The following RPH3A variants were observed in gnomAD, a reference collection of about 807,000 sequenced individuals.
RPH3A encodes the protein rabphilin 3A.
RPH3A carries 48 observed loss-of-function variants against 102.2 expected under a neutral mutation model. The observed-to-expected ratio is 0.47, with a 90% CI of 0.37 to 0.60. The LOEUF is 0.60. Among genes scored for constraint, RPH3A ranks in the 20% least tolerant of loss-of-function variants. The pLI is 0.00. For synonymous variants in RPH3A, 310 were observed against 324.3 expected (o/e 0.96, Z 0.47); for missense variants, 781 against 910.1 (o/e 0.86, Z 1.83).
chr12:112,669,763 G>A (rs2040114024), intron 1 of RPH3A, among the ~76,000 whole-genome samples: 1 of 152,070 alleles, frequency 6.6e-6, no homozygotes, highest in South Asian at 2.1e-4. Context: ...AATATATCTT[G>A]TACGTTTTTC....
chr12:112,635,739 C>T (rs2039843924), intron 1 of RPH3A, among the ~76,000 whole-genome samples: 2 of 152,132 alleles, frequency 1.3e-5, no homozygotes, highest in Admixed American at 1.3e-4. Flanking sequence ...GACAGAGCTC[C>T]ATCTACTTGC....
intron 2 of RPH3A, among the ~76,000 whole-genome samples, chr12:112,819,442 G>A (rs1194233495): frequency 6.6e-6 from 1 of 152,098 alleles, no homozygotes; most frequent in Non-Finnish European, 1.5e-5. Context: ...TTTTACAGAT[G>A]CAAAACTTGC....
At chr12:112,686,329 C>T (rs2136019182) in intron 1 of RPH3A, among the ~76,000 whole-genome samples, 1 of 152,266 alleles carries the variant, frequency 6.6e-6, no homozygotes. Context: ...GATCCCCTGC[C>T]CCTGAACCCA....
intron 1 of RPH3A, among the ~76,000 whole-genome samples, chr12:112,661,585 T>C (rs1055438416): frequency 2.6e-5 from 4 of 152,162 alleles, no homozygotes; most frequent in African/African-American, 9.7e-5. Flanking sequence ...CACTATTTGG[T>C]CTATACATAT....
intron 10 of RPH3A, 101 bp downstream of exon 10, chr12:112,870,140 T>C (rs1416969545): frequency 1.7e-6 from 2 of 1,203,924 alleles, no homozygotes; most frequent in African/African-American, 3.1e-5. Flanking sequence ...GCAGCATTTA[T>C]TGAGTCCTAC....
intron 1 of RPH3A, among the ~76,000 whole-genome samples, chr12:112,725,250 GAAAAAAAAA>G (rs35952537): frequency 1.4e-4 from 9 of 63,064 alleles, no homozygotes; most frequent in South Asian, 6.2e-4. Flanking sequence ...CTTTGTCTCA[GAAAAAAAAA>G]AAAAAAAAAA....
intron 1 of RPH3A, among the ~76,000 whole-genome samples, chr12:112,613,454 T>C (rs1391671924): frequency 2.0e-5 from 3 of 152,132 alleles, no homozygotes; most frequent in African/African-American, 7.2e-5. Context: ...CCCAAAGATG[T>C]CCATGTCCTA....
chr12:112,783,433 A>G (rs1190516027), intron 1 of RPH3A, among the ~76,000 whole-genome samples: 2 of 152,072 alleles, frequency 1.3e-5, no homozygotes, highest in African/African-American at 4.8e-5. Flanking sequence ...CATCCCTTTT[A>G]TAACTCTTGC....
chr12:112,746,733 C>T (rs1357712234), intron 1 of RPH3A, among the ~76,000 whole-genome samples: 2 of 152,300 alleles, frequency 1.3e-5, no homozygotes, highest in Admixed American at 6.5e-5. Flanking sequence ...CGGCCCTGCT[C>T]TCTGTCTCTG....
At chr12:112,708,765 C>T (rs146886728) in intron 1 of RPH3A, among the ~76,000 whole-genome samples, 4 of 152,044 alleles carry the variant, frequency 2.6e-5, no homozygotes, top group Non-Finnish European at 4.4e-5. Flanking sequence ...ATCGGAGCCT[C>T]CTGCGAAAAT....
chr12:112,889,321 A>T (rs1363150315), intron 17 of RPH3A, among the ~76,000 whole-genome samples: 1 of 152,224 alleles, frequency 6.6e-6, no homozygotes, highest in Non-Finnish European at 1.5e-5. Context: ...TGCCTGTGTC[A>T]TCAGCCTTTG....
chr12:112,818,585 A>C (rs1024760908), intron 2 of RPH3A, among the ~76,000 whole-genome samples: 2 of 152,146 alleles, frequency 1.3e-5, no homozygotes, highest in Non-Finnish European at 2.9e-5. Flanking sequence ...CCAGCAAAAG[A>C]CCAACTCAGG....
chr12:112,845,509 G>T (rs981600189), intron 4 of RPH3A, among the ~76,000 whole-genome samples: 5 of 152,190 alleles, frequency 3.3e-5, no homozygotes, highest in African/African-American at 1.2e-4. Context: ...TGTGCGAACA[G>T]GGGGCCCTGA....
chr12:112,879,559 T>C (rs1358465994), intron 14 of RPH3A, among the ~76,000 whole-genome samples: 1 of 152,174 alleles, frequency 6.6e-6, no homozygotes, highest in African/African-American at 2.4e-5. Context: ...GGCCATGGAA[T>C]GGTCCCATCC....
chr12:112,583,575 C>G (rs1424415022), intron 1 of RPH3A, among the ~76,000 whole-genome samples: 1 of 152,220 alleles, frequency 6.6e-6, no homozygotes, highest in Non-Finnish European at 1.5e-5. Flanking sequence ...TGTCTAGCGG[C>G]AGCTCTGCAT....
At chr12:112,672,730 G>A (rs377248134) in intron 1 of RPH3A, among the ~76,000 whole-genome samples, 4 of 152,208 alleles carry the variant, frequency 2.6e-5, no homozygotes, top group South Asian at 2.1e-4. Context: ...GGAAGTAGCC[G>A]TCAGACAGAT....
chr12:112,677,477 CCTTCCT>C (rs2040188121), intron 1 of RPH3A, among the ~76,000 whole-genome samples: 1 of 143,244 alleles, frequency 7.0e-6, no homozygotes, highest in Non-Finnish European at 1.5e-5. Flanking sequence ...TTCCTTCCTT[CCTTCCT>C]TCCCTCTTTC....
chr12:112,796,340 G>A (rs1332279091), intron 2 of RPH3A, among the ~76,000 whole-genome samples: 3 of 152,190 alleles, frequency 2.0e-5, no homozygotes, highest in African/African-American at 7.2e-5. Context: ...CCTGGGAAAT[G>A]CCTATGGCAC....
In RPH3A at chr12:112,873,002, T is replaced by G. The variant is rs1445343613; in HGVS notation, c.797-2082T>G. 3.9e-5 allele frequency among the ~76,000 whole-genome samples: 6 copies of G among 152,198 alleles called. No individual in the cohort carries two copies. In the South Asian group the frequency reaches 1.2e-3, roughly 32 times the overall value. Reference sequence around the variant, plus strand: ...TCTCTCCCTTGTAATACCAGGGACATGTCTCTCTCCATTAATTTATTATGT... The same window carrying G: ...TCTCTCCCTTGTAATACCAGGGACAGGTCTCTCTCCATTAATTTATTATGT... On this transcript the variant is annotated intron_variant, in intron 10 of 21. Coordinates refer to ENST00000389385, the MANE Select transcript of RPH3A (RefSeq NM_001143854.2).
Sources: gnomAD v4.1 joint callset for allele counts (sites outside exome capture counted in the v4.1 genomes callset) on GRCh38, gnomAD v4.1.1 for gene constraint, MANE v1.5 for transcripts, NCBI Gene and HGNC (gene_info 2026-07-23, HGNC 2026-07-21) for gene names.